TBC1D14: variants seen among roughly 807,000 people sequenced by gnomAD.
TBC1D14 encodes TBC1 domain family, member 14.
In TBC1D14, 26 loss-of-function variants were observed where a neutral mutation model predicts 79.0. The observed-to-expected ratio is 0.33, with a 90% CI of 0.24 to 0.46. The LOEUF is 0.46. TBC1D14 is among the 20% of genes least tolerant of loss of function. The pLI, the probability that TBC1D14 is intolerant of heterozygous loss-of-function variation, is 1.00. For synonymous variants in TBC1D14, 394 were observed against 349.9 expected (o/e 1.13, Z -1.40); for missense variants, 769 against 887.6 (o/e 0.87, Z 1.70).
chr4:6,949,718 T>G (rs1713846140), intron 2 of TBC1D14, among the ~76,000 whole-genome samples: 1 of 151,552 alleles, frequency 6.6e-6, no homozygotes, highest in African/African-American at 2.4e-5. Context: ...GAACCTCTAT[T>G]TAGGTTTTCT....
intron 3 of TBC1D14, among the ~76,000 whole-genome samples, chr4:6,979,976 C>G (rs1717219422): frequency 6.6e-6 from 1 of 152,092 alleles, no homozygotes; most frequent in African/African-American, 2.4e-5. Context: ...GTCAACAGTC[C>G]TCACTAAACA....
At chr4:6,937,968 A>G (rs1712509608) in intron 2 of TBC1D14, among the ~76,000 whole-genome samples, 1 of 151,958 alleles carries the variant, frequency 6.6e-6, no homozygotes. Context: ...TTGCTGATTG[A>G]GCCGCATCTG....
chr4:6,948,416 G>T (rs895723278), intron 2 of TBC1D14, among the ~76,000 whole-genome samples: 2 of 152,226 alleles, frequency 1.3e-5, no homozygotes, highest in African/African-American at 2.4e-5. Flanking sequence ...TTGCATAGCA[G>T]TAGCATCCAT....
At chr4:6,985,942 A>C (rs902525058) in intron 3 of TBC1D14, among the ~76,000 whole-genome samples, 1 of 152,240 alleles carries the variant, frequency 6.6e-6, no homozygotes, top group Non-Finnish European at 1.5e-5. Flanking sequence ...CCACGATTTT[A>C]ATAAATGTAT....
At chr4:6,932,936 G>A (rs928320192) in intron 2 of TBC1D14, among the ~76,000 whole-genome samples, 4 of 152,208 alleles carry the variant, frequency 2.6e-5, no homozygotes, top group Non-Finnish European at 5.9e-5. Context: ...GCATGTTGGC[G>A]GCTGTGTCCC....
chr4:7,030,664 A>AC lies in TBC1D14; in HGVS notation c.*277dup, dbSNP rs1722964273. The AC allele has an allele frequency of 5.6e-6, 2 of 358,330 alleles. No homozygotes were observed. The highest frequency in any genetic ancestry group is 4.0e-5 in the Admixed American group (1 of 25,082). The allele number at this position is 358,330 out of a possible 1,614,324, so 22.2% of individuals were successfully genotyped here. ...ACAGTTGAACGATGGGCAGTGGCTC[A>AC]CCCCCACTCCTTTATTTCAGCAAAA... On this transcript the variant is annotated 3_prime_UTR_variant, in exon 14 of 14. Coordinates refer to ENST00000409757, the MANE Select transcript of TBC1D14 (RefSeq NM_020773.3).
At chr4:6,998,738 C>A in intron 5 of TBC1D14, 1 of 201,472 alleles carries the variant, frequency 5.0e-6, no homozygotes, top group Non-Finnish European at 1.0e-5. Flanking sequence ...GGGATTTCAC[C>A]ACTTTGGCCG....
chr4:6,980,264 CT>C (rs2109094498), intron 3 of TBC1D14, among the ~76,000 whole-genome samples: 1 of 152,310 alleles, frequency 6.6e-6, no homozygotes, highest in African/African-American at 2.4e-5. Context: ...CCTCCCCAAA[CT>C]TGCACATTAA....
At chr4:6,943,857 A>G (rs1713158656) in intron 2 of TBC1D14, among the ~76,000 whole-genome samples, 1 of 148,664 alleles carries the variant, frequency 6.7e-6, no homozygotes, top group African/African-American at 2.6e-5. Context: ...GGGATCTGGC[A>G]CACTTAACTT....
chr4:6,940,332 T>C (rs1009777876), intron 2 of TBC1D14, among the ~76,000 whole-genome samples: 5 of 152,210 alleles, frequency 3.3e-5, no homozygotes, highest in Non-Finnish European at 5.9e-5. Context: ...TGAACCTTTG[T>C]TGTTCTTGAT....
intron 2 of TBC1D14, among the ~76,000 whole-genome samples, chr4:6,949,682 C>CAAAA (rs10657086): frequency 1.4e-5 from 2 of 138,432 alleles, no homozygotes; most frequent in African/African-American, 2.7e-5. Context: ...GACTCCGTCT[C>CAAAA]AAAAAAAAAA....
chr4:6,936,568 A>G lies in TBC1D14; in HGVS notation c.722+12457A>G, dbSNP rs777359578. 2.0e-5 allele frequency among the ~76,000 whole-genome samples: 3 copies of G among 152,254 alleles called. No homozygotes were observed. In the South Asian group the frequency reaches 6.2e-4, roughly 31 times the overall value. ...TAGTTGCTTCCAAGTGTTGGCAATT[A>G]TGAATGAAACTGCCATAATCATCTG... On this transcript the variant is annotated intron_variant, in intron 2 of 13. Transcript: ENST00000409757.
chr4:7,026,508 A>G (rs1722387282), intron 13 of TBC1D14, among the ~76,000 whole-genome samples: 1 of 152,152 alleles, frequency 6.6e-6, no homozygotes, highest in Non-Finnish European at 1.5e-5. Flanking sequence ...ATGCCTTGTG[A>G]TTGGTTGAAA....
chr4:6,940,571 C>T (rs1181102791), intron 2 of TBC1D14, among the ~76,000 whole-genome samples: 1 of 152,092 alleles, frequency 6.6e-6, no homozygotes, highest in African/African-American at 2.4e-5. Flanking sequence ...GTTTGACCCT[C>T]CCTGTGACCT....
At chr4:7,011,212 C>T (rs751276257) in intron 11 of TBC1D14, among the ~76,000 whole-genome samples, 16 of 152,066 alleles carry the variant, frequency 1.1e-4, no homozygotes, top group East Asian at 3.9e-4. Context: ...TGCCCACACC[C>T]GGGAGAAAGG....
At chr4:6,947,934 A>G (rs1713643382) in intron 2 of TBC1D14, among the ~76,000 whole-genome samples, 1 of 152,176 alleles carries the variant, frequency 6.6e-6, no homozygotes, top group Non-Finnish European at 1.5e-5. Context: ...ACCAAGTAGG[A>G]AGCCCGCCTG....
chr4:6,996,211 A>C, intron 4 of TBC1D14, 114 bp from the exon 5 acceptor site: 1 of 780,190 alleles, frequency 1.3e-6, no homozygotes, highest in Non-Finnish European at 2.1e-6. Context: ...TCTTAAAAAA[A>C]TGAGTTTTTA....
chr4:6,921,012 T>G (rs575551523), intron 1 of TBC1D14, among the ~76,000 whole-genome samples: 1 of 152,302 alleles, frequency 6.6e-6, no homozygotes, highest in South Asian at 2.1e-4. Flanking sequence ...ACTCCTGACC[T>G]CAGGTGATCC....
At chr4:6,962,330 G>A in intron 2 of TBC1D14, among the ~76,000 whole-genome samples, 1 of 152,124 alleles carries the variant, frequency 6.6e-6, no homozygotes, top group East Asian at 1.9e-4. Context: ...CGGTGCGGGT[G>A]GCACTGACCA....
Sources: allele counts gnomAD v4.1 joint callset (sites outside exome capture counted in the v4.1 genomes callset), GRCh38; gene constraint gnomAD v4.1.1; transcripts MANE v1.5; gene names NCBI Gene and HGNC (gene_info 2026-07-23, HGNC 2026-07-21).